Variants in RGS6 observed in about 807,000 individuals in gnomAD.
The protein encoded by RGS6 is regulator of G-protein signaling 6.
A neutral mutation model predicts 78.5 loss-of-function variants in RGS6; 30 were observed. That is an observed-to-expected ratio of 0.38 (90% CI 0.29 to 0.52). The LOEUF is 0.52. Among genes scored for constraint, RGS6 ranks in the 20% least tolerant of loss-of-function variants. The probability of loss-of-function intolerance (pLI) is 0.85; values close to 1 mark genes in which losing one functional copy is unlikely to be tolerated. For missense variants in RGS6, 495 were observed against 609.7 expected (o/e 0.81, Z 1.98); for synonymous variants, 206 against 206.0 (o/e 1.00, Z 0.00).
intron 2 of RGS6, among the ~76,000 whole-genome samples, chr14:72,046,906 G>T (rs2092889968): frequency 6.6e-6 from 1 of 152,106 alleles, no homozygotes; most frequent in South Asian, 2.1e-4. Context: ...CAGCCTTCCA[G>T]TATCGACAAA....
At chr14:72,444,767 C>A (rs1358995682) in intron 3 of RGS6, among the ~76,000 whole-genome samples, 5 of 152,260 alleles carry the variant, frequency 3.3e-5, no homozygotes, top group African/African-American at 1.2e-4. Context: ...TGGGAGAAGA[C>A]CCCAGGTTGA....
At chr14:72,579,365 G>A in the RGS6 span, among the ~76,000 whole-genome samples, 2 of 152,204 alleles carry the variant, frequency 1.3e-5, no homozygotes, top group Non-Finnish European at 2.9e-5. Flanking sequence ...TCAGGCCAGA[G>A]CACAGCACTC....
the RGS6 span, among the ~76,000 whole-genome samples, chr14:71,923,913 G>A: frequency 6.6e-6 from 1 of 152,192 alleles, no homozygotes; most frequent in Non-Finnish European, 1.5e-5. Flanking sequence ...TGGGACAAAG[G>A]ACATTGCAGG....
chr14:72,164,861 G>A (rs914195157), intron 2 of RGS6, among the ~76,000 whole-genome samples: 1 of 152,184 alleles, frequency 6.6e-6, no homozygotes, highest in Non-Finnish European at 1.5e-5. Flanking sequence ...AAAACATTTA[G>A]AGTTATTTTT....
At chr14:72,050,834 G>A (rs140292167) in intron 2 of RGS6, among the ~76,000 whole-genome samples, 6 of 152,294 alleles carry the variant, frequency 3.9e-5, no homozygotes, top group African/African-American at 1.2e-4. Context: ...AGATTCTGCA[G>A]GTGGACTGCA....
intron 2 of RGS6, among the ~76,000 whole-genome samples, chr14:72,211,194 G>C (rs1051672713): frequency 5.3e-5 from 8 of 152,164 alleles, no homozygotes; most frequent in African/African-American, 1.9e-4. Flanking sequence ...TGAAGAATCA[G>C]AAAGATAAGA....
chr14:72,218,994 C>T (rs1015186503), intron 2 of RGS6, among the ~76,000 whole-genome samples: 1 of 151,764 alleles, frequency 6.6e-6, no homozygotes, highest in African/African-American at 2.4e-5. Flanking sequence ...GCTTATCTAA[C>T]ACATGGACTT....
intron 2 of RGS6, among the ~76,000 whole-genome samples, chr14:72,304,389 A>T (rs1239132327): frequency 2.0e-5 from 3 of 152,212 alleles, no homozygotes; most frequent in Non-Finnish European, 4.4e-5. Context: ...AAGTGCACAG[A>T]ACTCTATAGT....
chr14:72,249,168 T>TA (rs2054993797), intron 2 of RGS6, among the ~76,000 whole-genome samples: 1 of 152,154 alleles, frequency 6.6e-6, no homozygotes, highest in Non-Finnish European at 1.5e-5. Context: ...AGAGTAGATC[T>TA]AAAAAAGTTG....
At chr14:71,969,394 C>T (rs1340246313) in intron 2 of RGS6, among the ~76,000 whole-genome samples, 2 of 152,126 alleles carry the variant, frequency 1.3e-5, no homozygotes, top group South Asian at 2.1e-4. Context: ...TGCCTCTTGA[C>T]AAAGTTCTCC....
intron 13 of RGS6, among the ~76,000 whole-genome samples, chr14:72,509,263 G>C (rs2096849307): frequency 6.6e-6 from 1 of 151,982 alleles, no homozygotes; most frequent in African/African-American, 2.4e-5. Context: ...TATTCGGGAG[G>C]CTGAGGCAGG....
chr14:72,314,980 G>A (rs2069694105), intron 2 of RGS6, among the ~76,000 whole-genome samples: 1 of 152,224 alleles, frequency 6.6e-6, no homozygotes, highest in Admixed American at 6.5e-5. Context: ...GGGATGGATG[G>A]TGCCCGTCTG....
chr14:72,116,096 C>T (rs1396592185), intron 2 of RGS6, among the ~76,000 whole-genome samples: 2 of 152,022 alleles, frequency 1.3e-5, no homozygotes, highest in African/African-American at 4.8e-5. Flanking sequence ...GCTGGACTTA[C>T]AGTCCTGTGT....
intron 2 of RGS6, among the ~76,000 whole-genome samples, chr14:72,181,231 C>T (rs2097169741): frequency 6.6e-6 from 1 of 152,218 alleles, no homozygotes; most frequent in Non-Finnish European, 1.5e-5. Flanking sequence ...GATTTTCCAT[C>T]CCTTGACCTT....
At chr14:72,580,329 G>A in the RGS6 span, among the ~76,000 whole-genome samples, 1 of 129,116 alleles carries the variant, frequency 7.7e-6, no homozygotes, top group African/African-American at 3.5e-5. Flanking sequence ...CGACCCCAGG[G>A]CCACAGCTTT....
intron 2 of RGS6, among the ~76,000 whole-genome samples, chr14:72,202,757 T>A (rs1226407880): frequency 1.3e-5 from 2 of 151,900 alleles, no homozygotes; most frequent in Admixed American, 1.3e-4. Flanking sequence ...CAGGCACGTG[T>A]TAAAAAGGGC....
At chr14:72,417,067 C>T (rs940234183) in intron 3 of RGS6, among the ~76,000 whole-genome samples, 4 of 152,166 alleles carry the variant, frequency 2.6e-5, no homozygotes, top group African/African-American at 4.8e-5. Flanking sequence ...GTCAGTGGAA[C>T]GTCACCCTTC....
intron 15 of RGS6, among the ~76,000 whole-genome samples, chr14:72,521,775 C>T (rs947691146): frequency 1.8e-4 from 28 of 152,084 alleles, no homozygotes; most frequent in Non-Finnish European, 3.5e-4. Flanking sequence ...TCTTCCTTTC[C>T]TCATCTGTAG....
chr14:72,144,940 A>G (rs999455626), intron 2 of RGS6, among the ~76,000 whole-genome samples: 2 of 152,144 alleles, frequency 1.3e-5, no homozygotes, highest in African/African-American at 2.4e-5. Context: ...CAGAGTTTTT[A>G]AAGATAATTT....
Sources: gnomAD v4.1 joint callset for allele counts (sites outside exome capture counted in the v4.1 genomes callset) on GRCh38, gnomAD v4.1.1 for gene constraint, MANE v1.5 for transcripts, NCBI Gene and HGNC (gene_info 2026-07-23, HGNC 2026-07-21) for gene names.